The following ABCA9 variants were observed in gnomAD, a reference collection of about 807,000 sequenced individuals.
ABCA9 encodes the protein ATP-binding cassette sub-family A member 9.
A neutral mutation model predicts 205.3 loss-of-function variants in ABCA9; 183 were observed. That is an observed-to-expected ratio of 0.89 (90% confidence interval 0.79 to 1.01). The LOEUF is 1.01. ABCA9 is among the 50% of genes least tolerant of loss of function. The probability of loss-of-function intolerance (pLI) is 0.00; values close to 1 mark genes in which losing one functional copy is unlikely to be tolerated. For missense variants in ABCA9, 1,805 were observed against 1,912.4 expected (o/e 0.94, Z 1.05); for synonymous variants, 651 against 683.3 (o/e 0.95, Z 0.74).
At position 69,024,369 on chromosome 17, in the gene ABCA9, A is replaced by T. The variant is rs1351930858; in HGVS notation, c.2142-16T>A. The T allele has an allele frequency of 2.6e-6, 4 of 1,549,210 alleles. No individual in the cohort carries two copies. Among genetic ancestry groups the T allele is most frequent in the African/African-American group, 2.8e-5 (2 of 72,048 alleles). On this transcript the variant is annotated splice_polypyrimidine_tract_variant and intron_variant, in intron 16 of 38. Transcript: ENST00000340001. ...CAGATGCAAACTAACATTTAAAAAG[A>T]ATAAAAGTTATTTTTATCCAACTGT...
At chr17:69,036,990 G>A (rs767787269) in intron 6 of ABCA9, among the ~76,000 whole-genome samples, 35 of 150,894 alleles carry the variant, frequency 2.3e-4, no homozygotes, top group Non-Finnish European at 3.7e-4. Flanking sequence ...AATGGTAAAG[G>A]GATCAATGCA....
chr17:69,022,287 A>T (rs1004252822), intron 17 of ABCA9: 6 of 152,150 alleles, frequency 3.9e-5, no homozygotes, highest in African/African-American at 1.4e-4. Context: ...AGAAATAATT[A>T]AGTATAGACT....
chr17:69,072,446 A>G, the ABCA9 span, among the ~76,000 whole-genome samples: 1 of 152,232 alleles, frequency 6.6e-6, no homozygotes, highest in Admixed American at 6.5e-5. Flanking sequence ...AATATTCAAC[A>G]TTCTTAAAGA....
chr17:68,986,173 G>A lies in ABCA9; in HGVS notation c.4199C>T (p.Ala1400Val). ...CCCCAGTCCCAGGTACCGTGTGATG[G>A]CGATCATTGCGTCCCCTTTCCTGAG... ...KGLRKGDAMIAITRLVDALKL... is the reference protein window; with the variant it reads ...KGLRKGDAMIVITRLVDALKL... Residue 1400 changes from alanine to valine, a missense_variant, in exon 32 of 39, where the codon GCC becomes GTC. Transcript: ENST00000340001. 1.9e-6 allele frequency: 3 copies of A among 1,610,030 alleles called. No individual in the cohort carries two copies. The highest frequency in any genetic ancestry group is 2.5e-6 in the Non-Finnish European group (3 of 1,178,142).
chr17:69,039,814 AG>A (rs1162363123), intron 6 of ABCA9, among the ~76,000 whole-genome samples: 1 of 152,196 alleles, frequency 6.6e-6, no homozygotes, highest in Non-Finnish European at 1.5e-5. Flanking sequence ...CATCTGACAA[AG>A]GTCTACTATC....
intron 2 of ABCA9, 53 bp from the exon 3 acceptor site, chr17:69,049,543 A>T: frequency 7.2e-7 from 1 of 1,389,732 alleles, no homozygotes; most frequent in South Asian, 1.3e-5. Flanking sequence ...TATACCACAG[A>T]TCAATCATCC....
chr17:69,027,437 C>A lies in ABCA9; in HGVS notation c.1804G>T (p.Val602Leu). Residue 602 changes from valine to leucine, a missense_variant, in exon 14 of 39, where the codon GTA (valine) becomes TTA (leucine). Transcript: ENST00000340001. ...ATATTTTCCATTTCTAATTCCTGTA[C>A]AACTCGTTGTACCTAATCAAATAAA... is the stretch of plus-strand genomic sequence containing the variant. ...HEVEKEVQRVVQELEMENIQD... is the reference protein window; with the variant it reads ...HEVEKEVQRVLQELEMENIQD... 6.2e-7 allele frequency: 1 copy of A among 1,612,186 alleles called. No individual in the cohort carries two copies. Among genetic ancestry groups the A allele is most frequent in the Non-Finnish European group, 8.5e-7 (1 of 1,179,106 alleles).
Position 69,027,119 on chromosome 17 carries a change from AC to A in ABCA9, c.1912-6del. 2.5e-6 allele frequency: 4 copies of A among 1,613,748 alleles called. No individual in the cohort carries two copies. In the South Asian group the frequency reaches 4.4e-5, roughly 18 times the overall value. On this transcript the variant is annotated splice_polypyrimidine_tract_variant and splice_region_variant and intron_variant, in intron 14 of 38. Transcript: ENST00000340001. ...CGGTTCATCCAATAGCAAAACCTGG[AC>A]AGGAGGAAAGTCCTAAAGTAATTCC...
intron 13 of ABCA9, 40 bp from the exon 14 acceptor site, chr17:69,027,489 T>G: frequency 1.3e-5 from 20 of 1,578,604 alleles, no homozygotes; most frequent in Non-Finnish European, 1.6e-5. Context: ...ACCCAGAAAG[T>G]TTATTTTAAA....
upstream of ABCA9, chr17:69,061,071 G>A (rs978277374): frequency 1.5e-5 from 15 of 985,248 alleles, no homozygotes; most frequent in Middle Eastern, 5.2e-4. Context: ...TTCTGCTCAC[G>A]TGGTGATTTC....
At chr17:69,058,167 G>C (rs1448463327) in intron 1 of ABCA9, among the ~76,000 whole-genome samples, 1 of 152,142 alleles carries the variant, frequency 6.6e-6, no homozygotes, top group Non-Finnish European at 1.5e-5. Context: ...TCAAGTCTTG[G>C]TATAGTGGAG....
At chr17:69,021,517 G>A (rs553650097) in intron 18 of ABCA9, among the ~76,000 whole-genome samples, 2 of 152,124 alleles carry the variant, frequency 1.3e-5, no homozygotes, top group South Asian at 4.1e-4. Context: ...TGCTGCATAA[G>A]GAACTAGTGT....
At chr17:68,987,497 G>A (rs2069274990) in intron 31 of ABCA9, among the ~76,000 whole-genome samples, 1 of 152,192 alleles carries the variant, frequency 6.6e-6, no homozygotes, top group South Asian at 2.1e-4. Flanking sequence ...GCATTTTGGG[G>A]AGATAAATTT....
chr17:69,063,722 G>A (rs151099871), upstream of ABCA9, among the ~76,000 whole-genome samples: 8,929 of 152,080 alleles, frequency 0.059, 665 homozygotes, highest in African/African-American at 0.16. Flanking sequence ...ACAGGCGCCC[G>A]CCACGATGCC....
chr17:69,066,632 GA>G, the ABCA9 span, among the ~76,000 whole-genome samples: 1 of 151,156 alleles, frequency 6.6e-6, no homozygotes, highest in Admixed American at 6.6e-5. Context: ...TCTGTCACAA[GA>G]AAAAAAGGAA....
rs757130162 is a variant in ABCA9, at chr17:68,986,177, T to C, written c.4195A>G (p.Ile1399Val). 6.2e-7 allele frequency: 1 copy of C among 1,610,736 alleles called. No individual in the cohort carries two copies. The highest frequency in any genetic ancestry group is 1.1e-5 in the South Asian group (1 of 90,450). Reference sequence around the variant, plus strand: ...AGTCCCAGGTACCGTGTGATGGCGATCATTGCGTCCCCTTTCCTGAGACCT... The same window carrying C: ...AGTCCCAGGTACCGTGTGATGGCGACCATTGCGTCCCCTTTCCTGAGACCT... ...VKGLRKGDAM[I>V]AITRLVDALK... Residue 1399 changes from isoleucine (I) to valine (V), a missense_variant, in exon 32 of 39, where the codon ATC becomes GTC. Physicochemically the swap from Ile to Val is conservative, Grantham distance 29 (BLOSUM62 3). Transcript: ENST00000340001.
At chr17:69,044,805 T>G (rs2071657096) in intron 4 of ABCA9, among the ~76,000 whole-genome samples, 2 of 152,200 alleles carry the variant, frequency 1.3e-5, no homozygotes, top group South Asian at 4.1e-4. Context: ...TCAATGATTT[T>G]TCATTATATT....
rs185630117 is a variant in ABCA9 at position 68,976,479 on chromosome 17, G to A, written c.4721-289C>T. 2.2e-3 allele frequency among the ~76,000 whole-genome samples: 336 copies of A among 152,244 alleles called. 3 individuals are homozygous for A. Among genetic ancestry groups the A allele is most frequent in the Non-Finnish European group, 1.2e-3 (81 of 68,028 alleles). ...AGAGATGGTACCCTCTGTGCTAGAC[G>A]ATGACCACGTACCCCTCTGTACCAG... On this transcript the variant is annotated intron_variant, in intron 37 of 38. Coordinates refer to ENST00000340001, the MANE Select transcript of ABCA9 (RefSeq NM_080283.4).
intron 9 of ABCA9, chr17:69,033,516 G>T (rs1389338884): frequency 2.7e-6 from 1 of 375,318 alleles, no homozygotes; most frequent in Non-Finnish European, 4.8e-6. Context: ...TCTCTCACAA[G>T]TGTCTCTTTT....
Sources: allele counts gnomAD v4.1 joint callset (sites outside exome capture counted in the v4.1 genomes callset), GRCh38; gene constraint gnomAD v4.1.1; transcripts MANE v1.5; gene names NCBI Gene and HGNC (gene_info 2026-07-23, HGNC 2026-07-21).